The following ANK1 variants were observed in gnomAD, a reference collection of about 807,000 sequenced individuals.
ANK1 encodes ankyrin 1.
ANK1 carries 51 observed loss-of-function variants against 210.4 expected under a neutral mutation model. That is an observed-to-expected ratio of 0.24 (90% CI 0.19 to 0.31). ANK1 has a LOEUF of 0.31. Among genes scored for constraint, ANK1 ranks in the 10% least tolerant of loss-of-function variants. The pLI is 1.00. For missense variants in ANK1, 2,051 were observed against 2,504.4 expected, an observed-to-expected ratio of 0.82 and a Z score of 3.86; for synonymous variants, 967 against 1,025.9, an observed-to-expected ratio of 0.94 and a Z score of 1.10.
At chr8:41,692,970 AC>A in intron 30 of ANK1, 94 bp from the exon 31 acceptor site, 1 of 1,511,846 alleles carries the variant, frequency 6.6e-7, no homozygotes, top group Non-Finnish European at 9.2e-7. Context: ...TACCATGGCT[AC>A]TATTGCCACA....
rs1256043526 is a variant in ANK1 at position 41,673,045 on chromosome 8, G to T, written c.4538-133C>A. On this transcript the variant is annotated intron_variant, in intron 37 of 42. Transcript: ENST00000289734. Reference sequence around the variant, plus strand: ...AGAGATGCATGCACATTCGGGGTGGGTTGGGGGCTTTCCAAGCTCCAGGCC... The same window carrying T: ...AGAGATGCATGCACATTCGGGGTGGTTTGGGGGCTTTCCAAGCTCCAGGCC... 3.0e-6 allele frequency: 3 copies of T among 988,168 alleles called. No homozygotes were observed. In the South Asian group the frequency reaches 4.6e-5, roughly 15 times the overall value. The allele number at this position is 988,168 out of a possible 1,614,324, so 61.2% of individuals were successfully genotyped here.
chr8:41,797,408 G>T lies in ANK1; in HGVS notation c.27+104C>A. ...GAGCCCACGGGGAGGCGAGGCGGGT[G>T]GGGTGTGCAAAGCTGCTCTTGCTCG... is the stretch of plus-strand genomic sequence containing the variant. On this transcript the variant is annotated intron_variant, in intron 1 of 42. Coordinates refer to ENST00000289734, the MANE Select transcript of ANK1 (RefSeq NM_000037.4). This position sits in a 1 kb window ranked among gnomAD's most constrained non-coding sequence, Gnocchi z 4.0. 9.8e-7 allele frequency: 1 copy of T among 1,024,018 alleles called. No individual in the cohort carries two copies. The highest frequency in any genetic ancestry group is 1.4e-5 in the South Asian group (1 of 71,954). The allele number at this position is 1,024,018 out of a possible 1,614,324, so 63.4% of individuals were successfully genotyped here.
chr8:41,792,657 G>A (rs1026965325), intron 1 of ANK1, among the ~76,000 whole-genome samples: 8 of 152,184 alleles, frequency 5.3e-5, no homozygotes, highest in South Asian at 2.1e-4. Flanking sequence ...ATAAATAAGC[G>A]GGGAGGTGTG....
intron 31 of ANK1, among the ~76,000 whole-genome samples, chr8:41,690,806 A>G (rs1369657297): frequency 2.0e-5 from 3 of 152,236 alleles, no homozygotes; most frequent in Non-Finnish European, 4.4e-5. Flanking sequence ...ACTTCAACAG[A>G]TTTTGTAATA....
chr8:41,661,744 C>G, intron 41 of ANK1, 132 bp downstream of exon 41: 1 of 1,608,142 alleles, frequency 6.2e-7, no homozygotes, highest in Non-Finnish European at 8.5e-7. Flanking sequence ...GACGGCCCGG[C>G]AGAGCAAGGC....
At chr8:41,670,831 G>C (rs1051731593) in intron 38 of ANK1, among the ~76,000 whole-genome samples, 3 of 152,178 alleles carry the variant, frequency 2.0e-5, no homozygotes, top group African/African-American at 4.8e-5. Context: ...ACAGCTGCCT[G>C]GGGGCACAAG....
chr8:41,780,665 G>T (rs575779753), intron 1 of ANK1, among the ~76,000 whole-genome samples: 4 of 152,242 alleles, frequency 2.6e-5, no homozygotes, highest in Non-Finnish European at 5.9e-5. Flanking sequence ...TGGGCCACCC[G>T]GAGGGAACAT....
At chr8:41,725,622 C>T in intron 6 of ANK1, 139 bp downstream of exon 6, 1 of 1,214,234 alleles carries the variant, frequency 8.2e-7, no homozygotes, top group Non-Finnish European at 1.1e-6. Flanking sequence ...CCTCTGCGTC[C>T]TGGGGTGAGG....
chr8:41,765,202 CT>C (rs761536179), intron 1 of ANK1, among the ~76,000 whole-genome samples: 6 of 144,248 alleles, frequency 4.2e-5, no homozygotes, highest in African/African-American at 1.5e-4. Context: ...TTTTCTTTCT[CT>C]TTTTTTCTCT....
rs60114930 is a variant in ANK1 at position 41,862,660 on chromosome 8, CAAAAAA to C, written c.126+33689_126+33694del. ...AAGGGGTTGAGAGAGGAGGCTCAGA[CAAAAAA>C]AAAAAAAAAAAAAGGGAAAAACTAA... is the stretch of plus-strand genomic sequence containing the variant. On this transcript the variant is annotated intron_variant, in intron 1 of 42. Transcript: ENST00000265709. Among the ~76,000 whole-genome samples the C allele has an allele frequency of 3.2e-4, 32 of 99,638 alleles. 1 individual carries two copies. The highest frequency in any genetic ancestry group is 3.1e-3 in the Admixed American group (30 of 9,534). 65.4% of individuals were successfully genotyped at this position (99,638 alleles called of 152,430 possible). A position where few individuals can be genotyped will look rare whatever the true frequency, so the allele number is the denominator to read the frequency against.
intron 40 of ANK1, among the ~76,000 whole-genome samples, chr8:41,662,192 G>T (rs1057213522): frequency 1.3e-5 from 2 of 152,126 alleles, no homozygotes; most frequent in African/African-American, 4.8e-5. Context: ...GGTGGATGGA[G>T]GTTGCAGTGA....
At chr8:41,722,169 G>A (rs185323923) in intron 9 of ANK1, among the ~76,000 whole-genome samples, 13 of 152,312 alleles carry the variant, frequency 8.5e-5, no homozygotes, top group African/African-American at 2.6e-4. Context: ...CAAGACACAC[G>A]TTCATAGTCA....
chr8:41,818,591 C>T (rs947061858), intron 1 of ANK1, among the ~76,000 whole-genome samples: 2 of 151,842 alleles, frequency 1.3e-5, no homozygotes, highest in Non-Finnish European at 2.9e-5. Context: ...TTCTTTCTTT[C>T]TTTCTTTCCT....
At chr8:41,719,269 C>T (rs539903820) in intron 10 of ANK1, among the ~76,000 whole-genome samples, 1 of 152,312 alleles carries the variant, frequency 6.6e-6, no homozygotes, top group East Asian at 1.9e-4. Flanking sequence ...CTCTGGCCAT[C>T]TCATTCATCC....
intron 41 of ANK1, 110 bp downstream of exon 41, chr8:41,661,766 C>T (rs753184075): frequency 3.7e-6 from 6 of 1,611,498 alleles, no homozygotes; most frequent in Admixed American, 3.3e-5. Context: ...GCAGTGATGG[C>T]GCTGGGTCCC....
rs189691422 is a variant in ANK1 at position 41,702,468 on chromosome 8, G to C, written c.2296-324C>G. ...CTGCTAAGTGGGAACCCACTGGGAA[G>C]GAGGTCAGGAAGTTGCCAGATGCAA... is the stretch of plus-strand genomic sequence containing the variant. On this transcript the variant is annotated intron_variant, in intron 20 of 42. Coordinates refer to ENST00000289734, the MANE Select transcript of ANK1 (RefSeq NM_000037.4). 7.9e-4 allele frequency among the ~76,000 whole-genome samples: 120 copies of C among 152,318 alleles called. 1 individual carries two copies. The highest frequency in any genetic ancestry group is 2.9e-3 in the African/African-American group (119 of 41,570).
At chr8:41,874,604 C>T (rs1178129256) in intron 1 of ANK1, among the ~76,000 whole-genome samples, 1 of 152,182 alleles carries the variant, frequency 6.6e-6, no homozygotes. Flanking sequence ...TTGCTGTCTT[C>T]CTCCAGACAA....
chr8:41,802,979 A>AAAAAAGAG (rs1850161963), intron 1 of ANK1, among the ~76,000 whole-genome samples: 5 of 92,746 alleles, frequency 5.4e-5, no homozygotes, highest in Admixed American at 1.1e-4. Context: ...GAGATGAAAA[A>AAAAAAGAG]AGAAAGAGAG....
intron 1 of ANK1, among the ~76,000 whole-genome samples, chr8:41,867,929 A>G (rs896872080): frequency 4.6e-5 from 7 of 152,328 alleles, no homozygotes; most frequent in Admixed American, 4.6e-4. Context: ...GTGCAATCTC[A>G]GCTCACTGCA....
Sources: gnomAD v4.1 joint callset for allele counts (sites outside exome capture counted in the v4.1 genomes callset) on GRCh38, gnomAD v4.1.1 for gene constraint, Gnocchi (gnomAD v3.1) non-coding constraint, MANE v1.5 for transcripts, NCBI Gene and HGNC (gene_info 2026-07-23, HGNC 2026-07-21) for gene names.